NCKAP1: variants seen among roughly 807,000 people sequenced by gnomAD.
NCKAP1 encodes the protein NCK associated protein 1, also known as nck-associated protein 1.
In NCKAP1, 21 loss-of-function variants were observed where a neutral mutation model predicts 151.2. The ratio of observed to expected loss-of-function variants is 0.14; its 90% CI spans 0.10 to 0.20. The LOEUF is 0.20. Ranked by LOEUF, NCKAP1 falls within the 10% of genes least tolerant of loss-of-function variation. The pLI, the probability that NCKAP1 is intolerant of heterozygous loss-of-function variation, is 1.00. For synonymous variants in NCKAP1, 484 were observed against 451.8 expected (o/e 1.07, Z -0.90); for missense variants, 933 against 1,352.1 (o/e 0.69, Z 4.86).
rs1697121754 is a variant in NCKAP1 at position 182,946,983 on chromosome 2, ATAATT to A, written c.2602-4825_2602-4821del. The A allele has an allele frequency of 3.3e-5, 5 of 152,400 alleles. No individual in the cohort carries two copies. In the South Asian group the frequency reaches 1.0e-3, roughly 32 times the overall value. The allele number at this position is 152,400 out of a possible 1,614,324, so 9.4% of individuals were successfully genotyped here. A position where few individuals can be genotyped will look rare whatever the true frequency, so the allele number is the denominator to read the frequency against. On this transcript the variant is annotated intron_variant, in intron 23 of 30. Coordinates refer to ENST00000361354, the MANE Select transcript of NCKAP1 (RefSeq NM_013436.5). ...AAGGCTTGAGGCTGAAAACAAGACA[ATAATT>A]TAATCATGGCAGCCTGCCAGATATA...
intron 14 of NCKAP1, among the ~76,000 whole-genome samples, chr2:182,978,571 G>T (rs1697873080): frequency 6.6e-6 from 1 of 152,078 alleles, no homozygotes; most frequent in Non-Finnish European, 1.5e-5. Flanking sequence ...CCAAATATAT[G>T]ATTTGCTACA....
intron 2 of NCKAP1, among the ~76,000 whole-genome samples, chr2:183,014,698 A>G (rs1482130899): frequency 6.6e-6 from 1 of 152,214 alleles, no homozygotes; most frequent in African/African-American, 2.4e-5. Flanking sequence ...TGTTATTTTC[A>G]ATCTTGGCAA....
chr2:182,966,144 C>G (rs1485527609), intron 16 of NCKAP1, among the ~76,000 whole-genome samples: 1 of 152,116 alleles, frequency 6.6e-6, no homozygotes, highest in Non-Finnish European at 1.5e-5. Context: ...GAGATCATTT[C>G]AGCATTTTAG....
At chr2:182,974,380 G>A (rs970518690) in intron 15 of NCKAP1, among the ~76,000 whole-genome samples, 1 of 151,880 alleles carries the variant, frequency 6.6e-6, no homozygotes, top group Non-Finnish European at 1.5e-5. Flanking sequence ...GAAAAGATGT[G>A]CCTAAATCCT....
At chr2:182,983,974 T>C (rs2105855905) in intron 10 of NCKAP1, among the ~76,000 whole-genome samples, 1 of 150,842 alleles carries the variant, frequency 6.6e-6, no homozygotes, top group African/African-American at 2.4e-5. Context: ...GAGGTTGCAG[T>C]GAGCTGAGAT....
rs984383123 is a variant in NCKAP1, at chr2:182,932,664, G to GT, written c.2860-1877dup. Among the ~76,000 whole-genome samples the GT allele has an allele frequency of 1.2e-3, 173 of 145,556 alleles. 1 individual carries two copies. The highest frequency in any genetic ancestry group is 5.9e-3 in the South Asian group (27 of 4,580). ...TAAAAACATGTTTTTGTTTTTTGTTGTTTTTTTTTTTAAAAGTTAAGTTCT... is the reference window on the plus strand; with the variant it reads ...TAAAAACATGTTTTTGTTTTTTGTTGTTTTTTTTTTTTAAAAGTTAAGTTCT... On this transcript the variant is annotated intron_variant, in intron 26 of 30. Coordinates refer to ENST00000361354, the MANE Select transcript of NCKAP1 (RefSeq NM_013436.5).
intron 23 of NCKAP1, among the ~76,000 whole-genome samples, chr2:182,944,279 A>AT (rs374186232): frequency 5.3e-5 from 8 of 152,098 alleles, no homozygotes; most frequent in African/African-American, 1.4e-4. Context: ...ATAAATCAAG[A>AT]TTTTTTTTAA....
chr2:183,004,488 CAAAAAAAAA>C (rs34055584), intron 2 of NCKAP1, among the ~76,000 whole-genome samples: 29 of 78,798 alleles, frequency 3.7e-4, no homozygotes, highest in African/African-American at 1.0e-3. Flanking sequence ...AAACAGCAAG[CAAAAAAAAA>C]AAAAAAAAAA....
chr2:182,948,411 G>A (rs181986822), intron 23 of NCKAP1, among the ~76,000 whole-genome samples: 48 of 152,122 alleles, frequency 3.2e-4, no homozygotes, highest in African/African-American at 1.1e-3. Flanking sequence ...CAGTCGTTCC[G>A]CATTCCCCTA....
rs577442453 is a variant in NCKAP1 at position 182,957,303 on chromosome 2, T to C, written c.2021+154A>G. On this transcript the variant is annotated intron_variant, in intron 19 of 30. Transcript: ENST00000361354. ...TGTATTTTGAGATGAAATAAGCAACTAACAGGTTAATTAAGCTCAGAAATA... is the reference window on the plus strand; with the variant it reads ...TGTATTTTGAGATGAAATAAGCAACCAACAGGTTAATTAAGCTCAGAAATA... 3.3e-5 allele frequency: 26 copies of C among 792,118 alleles called. No individual in the cohort carries two copies. The South Asian group carries it at 8.2e-4, about 25-fold the overall frequency. 49.1% of individuals were successfully genotyped at this position (792,118 alleles called of 1,614,324 possible). A position where few individuals can be genotyped will look rare whatever the true frequency, so the allele number is the denominator to read the frequency against.
intron 2 of NCKAP1, among the ~76,000 whole-genome samples, chr2:183,004,350 G>C (rs1321415647): frequency 6.6e-6 from 1 of 151,990 alleles, no homozygotes; most frequent in African/African-American, 2.4e-5. Context: ...TTACACTCAG[G>C]AACGTTAGGG....
Position 182,919,427 on chromosome 2 carries a change from G to A in NCKAP1, c.*6275C>T, listed in dbSNP as rs1465439807. 1 of 152,130 alleles carries A rather than the reference G, an allele frequency of 6.6e-6. No individual in the cohort carries two copies. The highest frequency in any genetic ancestry group is 1.5e-5 in the Non-Finnish European group (1 of 68,020). The allele number at this position is 152,130 out of a possible 1,614,324, so 9.4% of individuals were successfully genotyped here. ...ACTACCTACTTCAATGTGCTTTCTG[G>A]CAGCCAGAATCTGCATGCAATCAAT... On this transcript the variant is annotated 3_prime_UTR_variant, in exon 31 of 31. Transcript: ENST00000361354.
chr2:182,930,118 G>A (rs890666423), intron 27 of NCKAP1, among the ~76,000 whole-genome samples: 1 of 151,886 alleles, frequency 6.6e-6, no homozygotes, highest in African/African-American at 2.4e-5. Context: ...CAGCTGGTGA[G>A]ATTTTATTTC....
intron 13 of NCKAP1, 65 bp from the exon 14 acceptor site, chr2:182,978,980 A>G (rs1054503144): frequency 1.1e-4 from 112 of 1,064,032 alleles, no homozygotes; most frequent in Non-Finnish European, 1.4e-4. Flanking sequence ...AGGTCTATCA[A>G]TTAGTGGACG....
chr2:183,032,285 C>T (rs764658900), intron 1 of NCKAP1, among the ~76,000 whole-genome samples: 55 of 152,214 alleles, frequency 3.6e-4, no homozygotes, highest in Non-Finnish European at 6.8e-4. Flanking sequence ...TCTGCAAGTA[C>T]GGAAAATGTT....
intron 13 of NCKAP1, among the ~76,000 whole-genome samples, chr2:182,980,184 GT>G (rs1288055026): frequency 6.6e-5 from 10 of 151,846 alleles, no homozygotes; most frequent in Admixed American, 6.6e-4. Flanking sequence ...AATACCCCAG[GT>G]TTTCTGTTCC....
At chr2:182,970,116 T>G (rs1008125617) in intron 15 of NCKAP1, among the ~76,000 whole-genome samples, 4 of 152,082 alleles carry the variant, frequency 2.6e-5, no homozygotes, top group African/African-American at 9.7e-5. Context: ...GAAGCAGTAA[T>G]AAAAAGTCTC....
At chr2:182,929,627 G>C (rs6742781) in intron 27 of NCKAP1, among the ~76,000 whole-genome samples, 2 of 151,940 alleles carry the variant, frequency 1.3e-5, no homozygotes, top group Admixed American at 6.6e-5. Flanking sequence ...TGTAAGAAAA[G>C]AGCTGAAATA....
chr2:182,956,702 G>T, intron 19 of NCKAP1, 109 bp from the exon 20 acceptor site: 3 of 1,149,116 alleles, frequency 2.6e-6, no homozygotes, highest in Non-Finnish European at 3.6e-6. Flanking sequence ...TAGAGAATTC[G>T]ACTTTTTATT....
Sources: gnomAD v4.1 joint callset for allele counts (sites outside exome capture counted in the v4.1 genomes callset) on GRCh38, gnomAD v4.1.1 for gene constraint, MANE v1.5 for transcripts, NCBI Gene and HGNC (gene_info 2026-07-23, HGNC 2026-07-21) for gene names.